Variants in PROX1 observed in about 807,000 individuals in gnomAD.
PROX1 encodes the protein prospero homeobox 1.
In PROX1, 7 loss-of-function variants were observed where a neutral mutation model predicts 58.8. The observed-to-expected ratio is 0.12, with a 90% confidence interval of 0.07 to 0.22. The LOEUF is 0.22. Among genes scored for constraint, PROX1 ranks in the 10% least tolerant of loss-of-function variants. The probability of loss-of-function intolerance (pLI) is 1.00; values close to 1 mark genes in which losing one functional copy is unlikely to be tolerated. For synonymous variants in PROX1, 350 were observed against 358.3 expected (o/e 0.98, Z 0.26); for missense variants, 675 against 927.8 (o/e 0.73, Z 3.54).
At chr1:213,992,348 G>A (rs1056803839) in intron 1 of PROX1, among the ~76,000 whole-genome samples, 18 of 152,126 alleles carry the variant, frequency 1.2e-4, no homozygotes, top group African/African-American at 3.9e-4. Flanking sequence ...TTCTTAACCT[G>A]ATAGGGAGCA....
At position 214,037,914 on chromosome 1, in the gene PROX1, C is replaced by A. The variant is rs921952150; in HGVS notation, c.*2080C>A. ...TTAAAAGAGGATGGCAGTCCTTGTT[C>A]GTGTCAGTGTGCCACTGGGTTTTTG... On this transcript the variant is annotated 3_prime_UTR_variant, in exon 5 of 5. Transcript: ENST00000366958. The A allele has an allele frequency of 2.0e-5, 3 of 152,180 alleles. No homozygotes were observed. Among genetic ancestry groups the A allele is most frequent in the Admixed American group, 6.5e-5 (1 of 15,278 alleles). 9.4% of individuals were successfully genotyped at this position (152,180 alleles called of 1,614,324 possible).
At chr1:214,015,639 A>G (rs1383755463) in intron 4 of PROX1, among the ~76,000 whole-genome samples, 1 of 152,138 alleles carries the variant, frequency 6.6e-6, no homozygotes, top group Non-Finnish European at 1.5e-5. Context: ...TAACTTGTGT[A>G]ACTCACAAAG....
chr1:214,021,484 C>G (rs1231585909), intron 4 of PROX1, among the ~76,000 whole-genome samples: 2 of 152,220 alleles, frequency 1.3e-5, no homozygotes, highest in African/African-American at 4.8e-5. Flanking sequence ...GAGCTCTAAT[C>G]CTTTTTAAAA....
At chr1:214,024,031 A>G (rs957524814) in intron 4 of PROX1, among the ~76,000 whole-genome samples, 6 of 152,190 alleles carry the variant, frequency 3.9e-5, no homozygotes, top group Admixed American at 1.3e-4. Context: ...AAGGCGTACA[A>G]GATAATCTGT....
chr1:214,021,444 C>G (rs1664276405), intron 4 of PROX1, among the ~76,000 whole-genome samples: 1 of 152,202 alleles, frequency 6.6e-6, no homozygotes, highest in African/African-American at 2.4e-5. Context: ...GATCATTACT[C>G]CCTCTTAATC....
At chr1:214,029,461 C>T (rs1014949101) in intron 4 of PROX1, 1 of 152,034 alleles carries the variant, frequency 6.6e-6, no homozygotes, top group African/African-American at 2.4e-5. Flanking sequence ...TACCTTTGAC[C>T]CCTTTCAGAT....
intron 3 of PROX1, among the ~76,000 whole-genome samples, chr1:214,006,111 A>T (rs1431220801): frequency 3.3e-5 from 5 of 152,108 alleles, no homozygotes; most frequent in Admixed American, 6.5e-5. Context: ...CTTGATAAAC[A>T]CTACATTAGC....
At position 214,037,806 on chromosome 1, in the gene PROX1, T is replaced by C. The variant is rs765795966; in HGVS notation, c.*1972T>C. 2.0e-5 allele frequency: 3 copies of C among 152,260 alleles called. No individual in the cohort carries two copies. Among genetic ancestry groups the C allele is most frequent in the Non-Finnish European group, 4.4e-5 (3 of 68,048 alleles). The allele number at this position is 152,260 out of a possible 1,614,324, so 9.4% of individuals were successfully genotyped here. A position where few individuals can be genotyped will look rare whatever the true frequency, so the allele number is the denominator to read the frequency against. ...AGTTTGGATAATCATGACATTGGAATAAAGTGGGAAGGAAAAATTCCATCA... is the reference window on the plus strand; with the variant it reads ...AGTTTGGATAATCATGACATTGGAACAAAGTGGGAAGGAAAAATTCCATCA... On this transcript the variant is annotated 3_prime_UTR_variant, in exon 5 of 5. Coordinates refer to ENST00000366958, the MANE Select transcript of PROX1 (RefSeq NM_001270616.2).
intron 2 of PROX1, among the ~76,000 whole-genome samples, chr1:214,004,321 G>A (rs1663630186): frequency 6.6e-6 from 1 of 152,186 alleles, no homozygotes; most frequent in African/African-American, 2.4e-5. Context: ...AGTTGCTGCT[G>A]TTTACAGATC....
chr1:213,985,293 G>C (rs943588007), upstream of PROX1: 2 of 152,188 alleles, frequency 1.3e-5, no homozygotes, highest in Non-Finnish European at 2.9e-5. Context: ...CGAGATAGGG[G>C]GCTCGGGCCT....
chr1:214,017,036 T>C (rs1426263093), intron 4 of PROX1, among the ~76,000 whole-genome samples: 1 of 152,198 alleles, frequency 6.6e-6, no homozygotes, highest in African/African-American at 2.4e-5. Flanking sequence ...TACAGTGTAA[T>C]GTCGCTTTAC....
chr1:214,031,674 G>A (rs1270413899), intron 4 of PROX1, among the ~76,000 whole-genome samples: 1 of 152,216 alleles, frequency 6.6e-6, no homozygotes, highest in African/African-American at 2.4e-5. Flanking sequence ...TGATGGGAAA[G>A]CCATTAGGTG....
intron 4 of PROX1, among the ~76,000 whole-genome samples, chr1:214,017,781 A>G (rs1036839163): frequency 6.6e-6 from 1 of 152,118 alleles, no homozygotes; most frequent in Non-Finnish European, 1.5e-5. Flanking sequence ...TGGTGCTGGG[A>G]CAGTGGTGGG....
In PROX1 at chr1:214,027,939, G is replaced by GTT. The variant is rs60310710; in HGVS notation, c.2029-7700_2029-7699dup. On this transcript the variant is annotated intron_variant, in intron 4 of 4. Coordinates refer to ENST00000366958, the MANE Select transcript of PROX1 (RefSeq NM_001270616.2). ...TAGACCAAGGAAACATAGTTTTTAG[G>GTT]TTTTTTTTTTTCTTAAGACAGCCTT... 5.3e-3 allele frequency among the ~76,000 whole-genome samples: 782 copies of GTT among 146,478 alleles called. 7 individuals carry two copies. The highest frequency in any genetic ancestry group is 0.018 in the African/African-American group (744 of 40,250).
intron 4 of PROX1, among the ~76,000 whole-genome samples, chr1:214,018,888 T>C (rs1558182597): frequency 6.6e-6 from 1 of 152,102 alleles, no homozygotes; most frequent in Non-Finnish European, 1.5e-5. Flanking sequence ...AATATAGTCA[T>C]ACCAAAAAGG....
Position 213,997,890 on chromosome 1 carries a change from C to T in PROX1, c.1355C>T (p.Ala452Val), listed in dbSNP as rs762549792. The change falls in exon 2 of 5, where the codon GCC (alanine) becomes GTC (valine). Residue 452 changes from alanine (A) to valine (V), a missense_variant. Physicochemically the swap from Ala to Val is moderately conservative, Grantham distance 64. Around this residue, in one of 8 missense-constraint regions of PROX1, gnomAD observed 403 missense variants for 477.4 expected, o/e 0.84. Coordinates refer to ENST00000366958, the MANE Select transcript of PROX1 (RefSeq NM_001270616.2). The surrounding 1 kb of genome is among the most constrained non-coding windows in gnomAD (Gnocchi z 7.1). ...CGCAAAAACTCCTCTGACCAGTCTG[C>T]CTCCGGCCCTGCCGCTGGCGGCCAC... ...VVRKNSSDQS[A>V]SGPAAGGHHQ... 8.1e-6 allele frequency: 13 copies of T among 1,612,152 alleles called. No homozygotes were observed. The highest frequency in any genetic ancestry group is 6.8e-6 in the Non-Finnish European group (8 of 1,179,012).
chr1:214,008,646 C>T (rs505029), intron 3 of PROX1, among the ~76,000 whole-genome samples: 148,693 of 152,202 alleles, frequency 0.98, 72,740 homozygotes, highest in Middle Eastern at 1. Flanking sequence ...TGACTTCCAC[C>T]TGGGTAAGAG....
At chr1:213,996,390 T>C in intron 1 of PROX1, 79 bp from the exon 2 acceptor site, 1 of 927,242 alleles carries the variant, frequency 1.1e-6, no homozygotes, top group Non-Finnish European at 1.6e-6. Context: ...GCATTTTGCA[T>C]TTGATTCAGG....
At chr1:214,035,614 A>C (rs1226022440) in intron 4 of PROX1, 35 bp from the exon 5 acceptor site, 1 of 1,574,270 alleles carries the variant, frequency 6.4e-7, no homozygotes, top group East Asian at 2.3e-5. Flanking sequence ...GAAACTGAAA[A>C]CTTTATTAAT....
Sources: allele counts gnomAD v4.1 joint callset (sites outside exome capture counted in the v4.1 genomes callset), GRCh38; gene constraint gnomAD v4.1.1; regional missense constraint gnomAD v4.1.1; non-coding constraint Gnocchi (gnomAD v3.1); transcripts MANE v1.5; gene names NCBI Gene and HGNC (gene_info 2026-07-23, HGNC 2026-07-21).